CSMD3: variants seen among roughly 807,000 people sequenced by gnomAD.
CSMD3 encodes the protein CUB and sushi domain-containing protein 3.
A neutral mutation model predicts 435.2 loss-of-function variants in CSMD3; 177 were observed. That is an observed-to-expected ratio of 0.41 (90% CI 0.36 to 0.46). The LOEUF (loss-of-function observed/expected upper bound fraction) is 0.46. Ranked by LOEUF, CSMD3 falls within the 20% of genes least tolerant of loss-of-function variation. The pLI, the probability that CSMD3 is intolerant of heterozygous loss-of-function variation, is 0.34. For synonymous variants in CSMD3, 1,656 were observed against 1,520.5 expected (o/e 1.09, Z -2.07); for missense variants, 4,265 against 4,504.6 (o/e 0.95, Z 1.52).
At position 112,636,144 on chromosome 8, in the gene CSMD3, G is replaced by A. The variant is rs374239873; in HGVS notation, c.3715+673C>T. On this transcript the variant is annotated intron_variant, in intron 22 of 70. Transcript: ENST00000297405. ...CTTAATGAAAAGCCTTTTTTCTACC[G>A]AACATTTTTTTCTTTTTATCAGTCA... Among the ~76,000 whole-genome samples, 714 of 151,980 alleles carry A rather than the reference G, an allele frequency of 4.7e-3. 3 individuals carry two copies. The highest frequency in any genetic ancestry group is 0.016 in the African/African-American group (667 of 41,504).
chr8:112,495,905 TATAA>T (rs1311779196), intron 30 of CSMD3, among the ~76,000 whole-genome samples: 1 of 151,370 alleles, frequency 6.6e-6, no homozygotes, highest in Non-Finnish European at 1.5e-5. Context: ...TTCTGCTGAA[TATAA>T]ATAGATGTAT....
intron 30 of CSMD3, among the ~76,000 whole-genome samples, chr8:112,499,338 G>C (rs1376664371): frequency 6.6e-6 from 1 of 152,038 alleles, no homozygotes; most frequent in East Asian, 1.9e-4. Flanking sequence ...AAGATTTTAA[G>C]AAAAATGGCA....
At chr8:113,082,933 T>C (rs1458192818) in intron 5 of CSMD3, among the ~76,000 whole-genome samples, 4 of 152,098 alleles carry the variant, frequency 2.6e-5, no homozygotes, top group African/African-American at 9.7e-5. Flanking sequence ...GAATAAAGCC[T>C]ACATGATATA....
intron 5 of CSMD3, among the ~76,000 whole-genome samples, chr8:113,094,843 C>G (rs10955644): frequency 0.68 from 103,339 of 151,876 alleles, 36,984 homozygotes; most frequent in East Asian, 0.95. Flanking sequence ...AGGCCGAGGA[C>G]GGTAGATCAC....
At chr8:112,695,406 T>A (rs949529307) in intron 13 of CSMD3, among the ~76,000 whole-genome samples, 1 of 152,018 alleles carries the variant, frequency 6.6e-6, no homozygotes, top group Non-Finnish European at 1.5e-5. Context: ...CTTTTGAACA[T>A]CCTTGCAAGG....
intron 5 of CSMD3, among the ~76,000 whole-genome samples, chr8:113,082,576 G>A (rs1316627902): frequency 2.0e-5 from 3 of 151,528 alleles, no homozygotes; most frequent in Non-Finnish European, 2.9e-5. Flanking sequence ...TAAGAAACAT[G>A]AGAAAAACAA....
At chr8:112,408,228 C>G (rs1388091389) in intron 34 of CSMD3, 90 bp downstream of exon 34, 1 of 910,656 alleles carries the variant, frequency 1.1e-6, no homozygotes, top group East Asian at 2.4e-5. Context: ...ACACTTTTAT[C>G]TAGAGGATTT....
intron 4 of CSMD3, among the ~76,000 whole-genome samples, chr8:113,117,885 G>A (rs1365120567): frequency 1.3e-5 from 2 of 152,194 alleles, no homozygotes; most frequent in Admixed American, 6.5e-5. Flanking sequence ...CTTGGAGCAG[G>A]CGTATTTGCC....
intron 60 of CSMD3, 111 bp downstream of exon 60, chr8:112,265,300 T>C: frequency 3.4e-6 from 2 of 593,542 alleles, no homozygotes; most frequent in Non-Finnish European, 5.4e-6. Context: ...GAAAAATAAA[T>C]GCAACCTGGA....
chr8:112,807,383 G>A (rs1372876630), intron 12 of CSMD3, among the ~76,000 whole-genome samples: 2 of 152,132 alleles, frequency 1.3e-5, no homozygotes, highest in African/African-American at 4.8e-5. Context: ...GGTTTTGTAT[G>A]CTATGATGAC....
chr8:113,053,795 T>G (rs1354445248), intron 5 of CSMD3, among the ~76,000 whole-genome samples: 9 of 152,166 alleles, frequency 5.9e-5, no homozygotes, highest in Non-Finnish European at 1.0e-4. Flanking sequence ...GTTTTATTTA[T>G]GTATATCAGC....
intron 5 of CSMD3, among the ~76,000 whole-genome samples, chr8:113,070,854 A>T (rs2089080598): frequency 1.3e-5 from 2 of 152,036 alleles, no homozygotes; most frequent in African/African-American, 4.8e-5. Flanking sequence ...AGATTGCTGG[A>T]TCATATAGTA....
At chr8:113,084,279 C>A (rs2089672594) in intron 5 of CSMD3, among the ~76,000 whole-genome samples, 1 of 151,892 alleles carries the variant, frequency 6.6e-6, no homozygotes, top group Admixed American at 6.6e-5. Flanking sequence ...AACCAACCTA[C>A]AAAAATCAGC....
chr8:113,030,417 T>TAAAAAAA (rs35890606), intron 5 of CSMD3, among the ~76,000 whole-genome samples: 1 of 24,348 alleles, frequency 4.1e-5, no homozygotes, highest in African/African-American at 2.2e-4. Flanking sequence ...TTGGTACTGG[T>TAAAAAAA]AAAAAAAAAA....
intron 2 of CSMD3, among the ~76,000 whole-genome samples, chr8:113,296,792 C>A (rs1641389212): frequency 6.6e-6 from 1 of 152,104 alleles, no homozygotes; most frequent in Non-Finnish European, 1.5e-5. Flanking sequence ...CGTCAGAAAA[C>A]CAGCCAACAT....
intron 67 of CSMD3, among the ~76,000 whole-genome samples, 153 bp from the exon 68 acceptor site, chr8:112,234,630 C>A (rs568494092): frequency 1.3e-5 from 2 of 152,218 alleles, no homozygotes; most frequent in African/African-American, 4.8e-5. Context: ...ACCTATAATG[C>A]TCTTTGCAAA....
intron 22 of CSMD3, among the ~76,000 whole-genome samples, chr8:112,591,090 T>C (rs1203561522): frequency 1.3e-5 from 2 of 152,124 alleles, no homozygotes; most frequent in African/African-American, 2.4e-5. Context: ...AATAAGTACT[T>C]AGTGCTCTTT....
intron 25 of CSMD3, among the ~76,000 whole-genome samples, chr8:112,554,685 T>C (rs1827968589): frequency 6.6e-6 from 1 of 151,954 alleles, no homozygotes; most frequent in African/African-American, 2.4e-5. Flanking sequence ...TCATATGCTG[T>C]AGTACTGGAG....
intron 1 of CSMD3, among the ~76,000 whole-genome samples, chr8:113,432,970 G>A (rs2094684227): frequency 6.6e-6 from 1 of 152,162 alleles, no homozygotes; most frequent in Non-Finnish European, 1.5e-5. Flanking sequence ...AGCCAAGTCA[G>A]CCACCCAGTT....
Sources: gnomAD v4.1 joint callset for allele counts (sites outside exome capture counted in the v4.1 genomes callset) on GRCh38, gnomAD v4.1.1 for gene constraint, MANE v1.5 for transcripts, NCBI Gene and HGNC (gene_info 2026-07-23, HGNC 2026-07-21) for gene names.